Variants in ODF2 observed in about 807,000 individuals in gnomAD.
ODF2 encodes the protein outer dense fiber of sperm tails 2.
In ODF2, 47 loss-of-function variants were observed where a neutral mutation model predicts 110.2. The observed-to-expected ratio is 0.43, with a 90% CI of 0.34 to 0.54. The LOEUF (loss-of-function observed/expected upper bound fraction) is 0.54. Among genes scored for constraint, ODF2 ranks in the 20% least tolerant of loss-of-function variants. The probability of loss-of-function intolerance (pLI) is 0.03; values close to 1 mark genes in which losing one functional copy is unlikely to be tolerated. For synonymous variants in ODF2, 352 were observed against 397.7 expected, an observed-to-expected ratio of 0.89 and a Z score of 1.37; for missense variants, 812 against 1,054.5, an observed-to-expected ratio of 0.77 and a Z score of 3.19.
chr9:128,469,128 T>G lies in ODF2; in HGVS notation c.250-55T>G, dbSNP rs1839068404. The stretch of plus-strand genomic sequence containing the variant: ...GTAAATAAGCCTCCAGTGGTGGAAC[T>G]CGTGGTCAAGGTTCTGCCTTCTGAG... On this transcript the variant is annotated intron_variant, in intron 4 of 20. Coordinates refer to ENST00000604420, the Ensembl canonical transcript of ODF2. The G allele has an allele frequency of 5.8e-6, 9 of 1,560,898 alleles. No individual in the cohort carries two copies. The South Asian group carries it at 9.1e-5, about 16-fold the overall frequency.
intron 18 of ODF2, 160 bp from the exon 19 acceptor site, chr9:128,498,253 G>T: frequency 8.9e-7 from 1 of 1,117,720 alleles, no homozygotes; most frequent in Non-Finnish European, 1.2e-6. Flanking sequence ...TTCTTTGGTC[G>T]CCTTGCTGAT....
At chr9:128,462,213 G>A (rs754789618) in intron 4 of ODF2, among the ~76,000 whole-genome samples, 6 of 151,392 alleles carry the variant, frequency 4.0e-5, no homozygotes, top group East Asian at 1.9e-4. Flanking sequence ...GTGCAGTGGC[G>A]CGATCTTGGC....
At chr9:128,469,227 G>T (rs1158756864) in exon 5 of ODF2, 1 of 1,614,054 alleles carries the variant, frequency 6.2e-7, no homozygotes, top group Non-Finnish European at 8.5e-7. Context: ...CTTCAGAAAA[G>T]CTGGTCTCAG....
chr9:128,457,322 T>A lies in ODF2; in HGVS notation c.-84T>A, dbSNP rs1250099775. On this transcript the variant is annotated 5_prime_UTR_variant, in exon 2 of 21. Transcript: ENST00000604420. ...TTTGATGCCGGGCCCCTTGAGAGGC[T>A]CATTGACAAGCCTGCCCCTCTGGGT... The A allele has an allele frequency of 5.6e-6, 9 of 1,609,968 alleles. No individual in the cohort carries two copies. In the East Asian group the frequency reaches 2.0e-4, roughly 36 times the overall value.
At chr9:128,457,831 A>G (rs1835308242) in intron 2 of ODF2, among the ~76,000 whole-genome samples, 1 of 152,046 alleles carries the variant, frequency 6.6e-6, no homozygotes, top group African/African-American at 2.4e-5. Flanking sequence ...GATTTCCCAA[A>G]GCTATTGGCT....
chr9:128,497,700 G>A (rs1018052777), intron 18 of ODF2: 4 of 151,854 alleles, frequency 2.6e-5, no homozygotes, highest in Non-Finnish European at 5.9e-5. Context: ...TAGTTTCAGA[G>A]GTGAAGGTGC....
At chr9:128,457,948 T>A (rs1010101787) in intron 2 of ODF2, among the ~76,000 whole-genome samples, 57 of 148,098 alleles carry the variant, frequency 3.8e-4, no homozygotes, top group South Asian at 2.1e-3. Flanking sequence ...TATATATTTT[T>A]TTTTTTTCCC....
chr9:128,456,679 A>T, intron 1 of ODF2: 5 of 1,420,686 alleles, frequency 3.5e-6, no homozygotes, highest in Non-Finnish European at 4.6e-6. Context: ...GGGCCTCCAC[A>T]TGGCAGTCAC....
chr9:128,469,309 A>G, exon 5 of ODF2: 1 of 1,614,132 alleles, frequency 6.2e-7, no homozygotes, highest in Non-Finnish European at 8.5e-7. Flanking sequence ...TTATGATAAG[A>G]AGATTGATAG....
intron 20 of ODF2, 73 bp downstream of exon 20, chr9:128,499,199 G>A (rs1018581556): frequency 1.9e-6 from 3 of 1,570,442 alleles, no homozygotes; most frequent in African/African-American, 2.7e-5. Flanking sequence ...GTGGGCCAAG[G>A]TGTTTTGTTG....
At chr9:128,455,400 A>AT (rs1276549809), upstream of ODF2, 1 of 464,340 alleles carries the variant, frequency 2.2e-6, no homozygotes, top group Non-Finnish European at 3.7e-6. Context: ...AAATACAAAA[A>AT]AAAATTAGCC....
intron 16 of ODF2, 71 bp downstream of exon 16, chr9:128,492,876 C>A: frequency 7.4e-7 from 1 of 1,359,910 alleles, no homozygotes; most frequent in Middle Eastern, 1.8e-4. Flanking sequence ...TGAGTCTGTT[C>A]CCCTTGTTTG....
chr9:128,461,915 T>C (rs548118342), intron 4 of ODF2, among the ~76,000 whole-genome samples: 3 of 152,230 alleles, frequency 2.0e-5, no homozygotes, highest in Admixed American at 6.5e-5. Context: ...GGGGCTTTCT[T>C]AGGATTAAAT....
At chr9:128,496,375 A>G (rs1244365687) in intron 18 of ODF2, 1 of 1,356,716 alleles carries the variant, frequency 7.4e-7, no homozygotes, top group African/African-American at 1.5e-5. Flanking sequence ...GGATCTGCCC[A>G]CCTGTAGGCA....
At chr9:128,496,742 C>CATCT (rs397948191) in intron 18 of ODF2, among the ~76,000 whole-genome samples, 28 of 151,202 alleles carry the variant, frequency 1.9e-4, no homozygotes, top group Non-Finnish European at 3.5e-4. Flanking sequence ...ATCTATCTAT[C>CATCT]ATCTATCTAT....
At chr9:128,460,219 G>A (rs556240396) in intron 3 of ODF2, 2 of 1,317,668 alleles carry the variant, frequency 1.5e-6, no homozygotes, top group African/African-American at 3.0e-5. Context: ...ATCCAAGGAG[G>A]AGCTGTGCAT....
chr9:128,479,698 T>TG (rs1234585446), intron 8 of ODF2, among the ~76,000 whole-genome samples: 33 of 152,112 alleles, frequency 2.2e-4, no homozygotes, highest in Admixed American at 1.1e-3. Context: ...TTGCAAAACA[T>TG]GGGAACAGCC....
intron 5 of ODF2, 56 bp downstream of exon 5, chr9:128,469,409 C>A: frequency 6.4e-7 from 1 of 1,572,906 alleles, no homozygotes; most frequent in Non-Finnish European, 8.7e-7. Context: ...CAGGAGCACC[C>A]AGGTGGATTT....
chr9:128,469,323 A>G, exon 5 of ODF2: 1 of 1,614,170 alleles, frequency 6.2e-7, no homozygotes, highest in South Asian at 1.1e-5. Context: ...TTGATAGTCT[A>G]ATGAATGCGG....
Sources: gnomAD v4.1 joint callset for allele counts (sites outside exome capture counted in the v4.1 genomes callset) on GRCh38, gnomAD v4.1.1 for gene constraint, MANE v1.5 for transcripts, NCBI Gene and HGNC (gene_info 2026-07-23, HGNC 2026-07-21) for gene names.